Variants in CDH12 observed in about 807,000 individuals in gnomAD.
CDH12 encodes cadherin-12.
A neutral mutation model predicts 74.1 loss-of-function variants in CDH12; 41 were observed. That is an observed-to-expected ratio of 0.55 (90% CI 0.43 to 0.72). CDH12 has a LOEUF of 0.72. Among genes scored for constraint, CDH12 ranks in the 30% least tolerant of loss-of-function variants. CDH12 has a pLI of 0.00. For synonymous variants in CDH12, 399 were observed against 355.0 expected (o/e 1.12, Z -1.39); for missense variants, 945 against 977.2 (o/e 0.97, Z 0.44).
At chr5:22,202,890 C>T (rs185240357) in intron 4 of CDH12, among the ~76,000 whole-genome samples, 1 of 152,228 alleles carries the variant, frequency 6.6e-6, no homozygotes, top group Non-Finnish European at 1.5e-5. Context: ...CTCCCTTCAA[C>T]TCCACTAAAA....
chr5:22,035,987 G>C (rs1169077221), intron 5 of CDH12, among the ~76,000 whole-genome samples: 4 of 152,104 alleles, frequency 2.6e-5, no homozygotes, highest in Non-Finnish European at 5.9e-5. Flanking sequence ...TATCAGTTAA[G>C]GTTAAACTAG....
At chr5:22,654,784 C>T (rs966361832) in intron 1 of CDH12, among the ~76,000 whole-genome samples, 2 of 151,746 alleles carry the variant, frequency 1.3e-5, no homozygotes, top group African/African-American at 4.8e-5. Flanking sequence ...GCATGCACCA[C>T]CAAGCTGGGC....
At chr5:21,825,266 C>A (rs1201114272) in intron 8 of CDH12, among the ~76,000 whole-genome samples, 1 of 152,014 alleles carries the variant, frequency 6.6e-6, no homozygotes, top group East Asian at 1.9e-4. Context: ...TGAGACCATA[C>A]TCTGCTATGT....
intron 1 of CDH12, among the ~76,000 whole-genome samples, chr5:22,624,885 C>G (rs1446344376): frequency 2.6e-5 from 4 of 152,090 alleles, no homozygotes; most frequent in Non-Finnish European, 4.4e-5. Flanking sequence ...GCACTATTCA[C>G]AATAGCAAAG....
chr5:21,994,801 A>C (rs2963511), intron 5 of CDH12, among the ~76,000 whole-genome samples: 8,219 of 152,172 alleles, frequency 0.054, 631 homozygotes, highest in African/African-American at 0.17. Context: ...TGACTAGCTA[A>C]AGATTTGTAA....
At chr5:22,792,433 G>A (rs1747965028) in intron 1 of CDH12, among the ~76,000 whole-genome samples, 1 of 152,096 alleles carries the variant, frequency 6.6e-6, no homozygotes, top group Non-Finnish European at 1.5e-5. Flanking sequence ...ATATTACTTT[G>A]ACAGTGGTAA....
At chr5:22,829,264 G>T (rs1250642173) in intron 1 of CDH12, among the ~76,000 whole-genome samples, 2 of 152,108 alleles carry the variant, frequency 1.3e-5, no homozygotes, top group Non-Finnish European at 2.9e-5. Context: ...ACTATCTGCA[G>T]TTTAATATTT....
intron 1 of CDH12, among the ~76,000 whole-genome samples, chr5:22,788,841 T>G: frequency 6.6e-6 from 1 of 151,814 alleles, no homozygotes. Context: ...TGCAGTTCAC[T>G]CTATCAGAAC....
chr5:22,311,702 CAAAAAAA>C (rs138539518), intron 3 of CDH12, among the ~76,000 whole-genome samples: 3 of 94,710 alleles, frequency 3.2e-5, no homozygotes, highest in African/African-American at 1.2e-4. Flanking sequence ...GACTCCATCT[CAAAAAAA>C]AAAAAAAAAA....
chr5:22,317,327 AT>A, intron 3 of CDH12, among the ~76,000 whole-genome samples: 1 of 152,162 alleles, frequency 6.6e-6, no homozygotes, highest in East Asian at 1.9e-4. Context: ...CAAAAAAAAA[AT>A]AAAAAAATTA....
chr5:22,382,303 C>CTATATGTCTACATACA (rs1741799755), intron 3 of CDH12, among the ~76,000 whole-genome samples: 1 of 146,336 alleles, frequency 6.8e-6, no homozygotes, highest in Non-Finnish European at 1.5e-5. Context: ...ATATATATTT[C>CTATATGTCTACATACA]TATATGTCTA....
At chr5:21,901,482 C>T (rs1753381274) in intron 6 of CDH12, among the ~76,000 whole-genome samples, 1 of 152,142 alleles carries the variant, frequency 6.6e-6, no homozygotes, top group Non-Finnish European at 1.5e-5. Flanking sequence ...AACTGTTCTA[C>T]TTCTATGACA....
chr5:22,128,560 A>T (rs190346482), intron 4 of CDH12, among the ~76,000 whole-genome samples: 1 of 152,330 alleles, frequency 6.6e-6, no homozygotes, highest in Non-Finnish European at 1.5e-5. Flanking sequence ...TGATCTCTCA[A>T]GATACATATC....
intron 3 of CDH12, among the ~76,000 whole-genome samples, chr5:22,381,796 T>C (rs992015907): frequency 2.0e-5 from 3 of 151,444 alleles, no homozygotes; most frequent in Non-Finnish European, 1.5e-5. Flanking sequence ...TCTGGTTTTC[T>C]CTACTAACAG....
At chr5:21,981,686 G>A (rs1757313205) in intron 5 of CDH12, among the ~76,000 whole-genome samples, 1 of 151,988 alleles carries the variant, frequency 6.6e-6, no homozygotes, top group Non-Finnish European at 1.5e-5. Context: ...GTAGGCCTTA[G>A]GTATTTTTTG....
At chr5:21,905,496 T>C (rs1374912804) in intron 6 of CDH12, among the ~76,000 whole-genome samples, 1 of 152,188 alleles carries the variant, frequency 6.6e-6, no homozygotes, top group East Asian at 1.9e-4. Flanking sequence ...TGAAAGCACA[T>C]CTGCCCTATA....
chr5:21,960,352 T>C (rs1052444734), intron 6 of CDH12, among the ~76,000 whole-genome samples: 4 of 152,140 alleles, frequency 2.6e-5, no homozygotes, highest in Non-Finnish European at 5.9e-5. Context: ...TTATGCTTGT[T>C]GCAAGGAACT....
At chr5:22,654,008 TCCCTGTCCTTCC>T (rs1739878436) in intron 1 of CDH12, among the ~76,000 whole-genome samples, 1 of 122,928 alleles carries the variant, frequency 8.1e-6, no homozygotes, top group East Asian at 4.8e-4. Flanking sequence ...CTTCCTTCCT[TCCCTGTCCTTCC>T]CATTCCTTCT....
intron 3 of CDH12, among the ~76,000 whole-genome samples, chr5:22,273,366 C>A (rs1736491058): frequency 6.6e-6 from 1 of 152,148 alleles, no homozygotes; most frequent in African/African-American, 2.4e-5. Context: ...AAGGTTGCCA[C>A]AAACGTTCAA....
Sources: allele counts gnomAD v4.1 joint callset (sites outside exome capture counted in the v4.1 genomes callset), GRCh38; gene constraint gnomAD v4.1.1; transcripts MANE v1.5; gene names NCBI Gene and HGNC (gene_info 2026-07-23, HGNC 2026-07-21).